ZNF608: variants seen among roughly 807,000 people sequenced by gnomAD.
ZNF608 encodes zinc finger protein 608, also known as renal carcinoma antigen NY-REN-36.
Under a neutral mutation model 109.0 loss-of-function variants are expected in ZNF608, and 12 were observed. That is an observed-to-expected ratio of 0.11 (90% confidence interval 0.07 to 0.18). The LOEUF (loss-of-function observed/expected upper bound fraction) is 0.18, where lower values mean the gene tolerates loss of function less well. Ranked by LOEUF, ZNF608 falls within the 10% of genes least tolerant of loss-of-function variation. The pLI, the probability that ZNF608 is intolerant of heterozygous loss-of-function variation, is 1.00. For synonymous variants in ZNF608, 732 were observed against 717.4 expected (o/e 1.02, Z -0.33); for missense variants, 1,707 against 1,879.3 (o/e 0.91, Z 1.70).
At chr5:124,642,602 A>G (rs1157612150) in intron 7 of ZNF608, among the ~76,000 whole-genome samples, 9 of 151,862 alleles carry the variant, frequency 5.9e-5, no homozygotes, top group African/African-American at 2.4e-5. Context: ...ATATCCATGC[A>G]CATTGATGGG....
At chr5:124,639,360 A>G in intron 8 of ZNF608, 146 bp from the exon 9 acceptor site, 2 of 658,316 alleles carry the variant, frequency 3.0e-6, no homozygotes, top group South Asian at 3.7e-5. Flanking sequence ...GCAAGGACAC[A>G]GTACAAACCA....
intron 2 of ZNF608, chr5:124,734,542 CACAGGAACCCA>C: frequency 6.6e-6 from 1 of 152,322 alleles, no homozygotes; most frequent in South Asian, 2.1e-4. Context: ...AGACCAAAGT[CACAGGAACCCA>C]CCTACTATAC....
intron 3 of ZNF608, among the ~76,000 whole-genome samples, chr5:124,683,800 G>A (rs1398958588): frequency 1.3e-5 from 2 of 152,160 alleles, no homozygotes; most frequent in Non-Finnish European, 2.9e-5. Flanking sequence ...AGCATTCTAA[G>A]GAATCTTAAT....
intron 9 of ZNF608, chr5:124,638,805 T>C (rs1202032902): frequency 1.8e-6 from 2 of 1,091,588 alleles, no homozygotes; most frequent in Non-Finnish European, 2.3e-6. Context: ...AAAATAAATG[T>C]CTCCATTTGC....
chr5:124,744,019 C>T lies in ZNF608; in HGVS notation c.906+65G>A. ...AGTGTAAGGCACACAGAGGCACACC[C>T]CCACACACCCACACAAATGCACACA... On this transcript the variant is annotated intron_variant, in intron 2 of 9. Coordinates refer to ENST00000513986, the MANE Select transcript of ZNF608 (RefSeq NM_020747.3). This position sits in a 1 kb window ranked among gnomAD's most constrained non-coding sequence, Gnocchi z 4.5. The T allele has an allele frequency of 6.6e-7, 1 of 1,523,418 alleles. No homozygotes were observed. Among genetic ancestry groups the T allele is most frequent in the Non-Finnish European group, 8.8e-7 (1 of 1,136,478 alleles). The allele number at this position is 1,523,418 out of a possible 1,614,324, so 94.4% of individuals were successfully genotyped here.
At chr5:124,722,576 T>TACAC (rs10556672) in intron 2 of ZNF608, among the ~76,000 whole-genome samples, 1,535 of 145,050 alleles carry the variant, frequency 0.011, 12 homozygotes, top group Non-Finnish European at 0.015. Flanking sequence ...ACCCTTAAAA[T>TACAC]ACACACACAC....
Position 124,649,675 on chromosome 5 carries a change from C to A in ZNF608, c.1185G>T (p.Thr395=), listed in dbSNP as rs143779537. 1 of 1,607,864 alleles carries A rather than the reference C, an allele frequency of 6.2e-7. No individual in the cohort carries two copies. The highest frequency in any genetic ancestry group is 8.5e-7 in the Non-Finnish European group (1 of 1,175,772). ...TTCCCACGTACGTTTTGTTCCTCCA[C>A]GTGACATTGACCACTAGGACACCTG... ...TEEGVLVVNV[T]WRNKTYVGTL... Residue 395 remains threonine, a synonymous_variant, in exon 4 of 10, where the codon ACG becomes ACT. Transcript: ENST00000513986.
At chr5:124,721,630 G>A (rs73782046) in intron 2 of ZNF608, among the ~76,000 whole-genome samples, 4,276 of 152,082 alleles carry the variant, frequency 0.028, 210 homozygotes, top group African/African-American at 0.097. Context: ...TGTTGCCCAA[G>A]GGTCATAAAA....
At position 124,705,162 on chromosome 5, in the gene ZNF608, G is replaced by A. The variant is rs529534364; in HGVS notation, c.907-3893C>T. ...ACTCCACTGCACCCTGGTTTCTCAG[G>A]TCAGTGATCCATACACTGAACCATA... On this transcript the variant is annotated intron_variant, in intron 2 of 9. Coordinates refer to ENST00000513986, the MANE Select transcript of ZNF608 (RefSeq NM_020747.3). Among the ~76,000 whole-genome samples the A allele has an allele frequency of 2.4e-4, 36 of 152,252 alleles. 1 individual carries two copies. The South Asian group carries it at 7.2e-3, about 31-fold the overall frequency.
Position 124,648,676 on chromosome 5 carries a change from G to A in ZNF608, c.1708C>T (p.Leu570=), listed in dbSNP as rs772734471. Residue 570 remains leucine, a synonymous_variant, in exon 5 of 10, where the codon CTG becomes TTG. Transcript: ENST00000513986. ...CNKKYKHING[L]RYHQAHAHLD... ...TGTGCATGAGCCTGGTGGTACCTCAGGCCGTTAATGTGCTTGTACTTTTTG... is the reference window on the plus strand; with the variant it reads ...TGTGCATGAGCCTGGTGGTACCTCAAGCCGTTAATGTGCTTGTACTTTTTG... 6.2e-7 allele frequency: 1 copy of A among 1,614,216 alleles called. No homozygotes were observed. The highest frequency in any genetic ancestry group is 1.1e-5 in the South Asian group (1 of 91,090).
At chr5:124,716,159 A>AAAAAG (rs1561579972) in intron 2 of ZNF608, among the ~76,000 whole-genome samples, 34 of 150,304 alleles carry the variant, frequency 2.3e-4, no homozygotes, top group African/African-American at 6.7e-4. Flanking sequence ...AAAAAAAAAA[A>AAAAAG]AAAAGAAAAG....
At chr5:124,724,742 A>T (rs1051127924) in intron 2 of ZNF608, among the ~76,000 whole-genome samples, 2 of 152,200 alleles carry the variant, frequency 1.3e-5, no homozygotes, top group African/African-American at 4.8e-5. Context: ...AAAAGGACTC[A>T]GTATTTACGA....
At chr5:124,739,672 TCA>T (rs1749298890) in intron 2 of ZNF608, among the ~76,000 whole-genome samples, 2 of 152,218 alleles carry the variant, frequency 1.3e-5, no homozygotes, top group Admixed American at 1.3e-4. Context: ...ACATGTGTTT[TCA>T]CAGTGTTGCT....
chr5:124,671,341 A>G (rs1751706608), intron 3 of ZNF608, among the ~76,000 whole-genome samples: 1 of 152,188 alleles, frequency 6.6e-6, no homozygotes, highest in Non-Finnish European at 1.5e-5. Context: ...CTAGATCAGT[A>G]ATGTGCCAAG....
At chr5:124,642,654 G>C (rs1301127162) in intron 7 of ZNF608, among the ~76,000 whole-genome samples, 1 of 146,360 alleles carries the variant, frequency 6.8e-6, no homozygotes, top group Non-Finnish European at 1.5e-5. Flanking sequence ...GTTCCCATCA[G>C]TTACTGCCAT....
chr5:124,685,908 G>A (rs1417809672), intron 3 of ZNF608, among the ~76,000 whole-genome samples: 1 of 152,204 alleles, frequency 6.6e-6, no homozygotes, highest in Non-Finnish European at 1.5e-5. Context: ...AGATGGTGAT[G>A]CTAAATCACA....
At chr5:124,673,795 G>A (rs946851753) in intron 3 of ZNF608, among the ~76,000 whole-genome samples, 16 of 151,882 alleles carry the variant, frequency 1.1e-4, no homozygotes, top group Admixed American at 2.0e-4. Flanking sequence ...TCTCTAAATC[G>A]GCTGTTTATT....
chr5:124,683,917 G>T (rs1162911409), intron 3 of ZNF608, among the ~76,000 whole-genome samples: 1 of 152,140 alleles, frequency 6.6e-6, no homozygotes, highest in African/African-American at 2.4e-5. Flanking sequence ...TACCACTTAG[G>T]AATCTTATCA....
chr5:124,670,555 G>A (rs936275468), intron 3 of ZNF608, among the ~76,000 whole-genome samples: 4 of 152,162 alleles, frequency 2.6e-5, no homozygotes, highest in African/African-American at 9.7e-5. Context: ...CTCTGCCAGG[G>A]ATGCCTATGT....
Sources: allele counts gnomAD v4.1 joint callset (sites outside exome capture counted in the v4.1 genomes callset), GRCh38; gene constraint gnomAD v4.1.1; non-coding constraint Gnocchi (gnomAD v3.1); transcripts MANE v1.5; gene names NCBI Gene and HGNC (gene_info 2026-07-23, HGNC 2026-07-21).